The following SLC30A7 variants were observed in gnomAD, a reference collection of about 807,000 sequenced individuals.
The protein encoded by SLC30A7 is zinc transporter 7.
A neutral mutation model predicts 46.0 loss-of-function variants in SLC30A7; 35 were observed. The ratio of observed to expected loss-of-function variants is 0.76; its 90% CI spans 0.58 to 1.01. The LOEUF is 1.01. Ranked by LOEUF, SLC30A7 falls within the 50% of genes least tolerant of loss-of-function variation. The probability of loss-of-function intolerance (pLI) is 0.00; values close to 1 mark genes in which losing one functional copy is unlikely to be tolerated. For missense variants in SLC30A7, 464 were observed against 451.1 expected, an observed-to-expected ratio of 1.03 and a Z score of -0.26; for synonymous variants, 147 against 157.8, an observed-to-expected ratio of 0.93 and a Z score of 0.51.
At chr1:100,919,512 A>G (rs1056817928) in intron 7 of SLC30A7, among the ~76,000 whole-genome samples, 1 of 152,084 alleles carries the variant, frequency 6.6e-6, no homozygotes. Flanking sequence ...TCTTCCAATC[A>G]CAGGTTTTCC....
rs1022900525 is a variant in SLC30A7 at position 100,980,328 on chromosome 1, G to T, written c.*5471G>T. ...TTTTATACACACCTTTCAAAAGGAAGAAATCTGTTTCATAAATAGTAGTAA... is the reference window on the plus strand; with the variant it reads ...TTTTATACACACCTTTCAAAAGGAATAAATCTGTTTCATAAATAGTAGTAA... On this transcript the variant is annotated 3_prime_UTR_variant, in exon 11 of 11. Transcript: ENST00000357650. 1.3e-5 allele frequency: 2 copies of T among 152,214 alleles called. No individual in the cohort carries two copies. Among genetic ancestry groups the T allele is most frequent in the Non-Finnish European group, 2.9e-5 (2 of 67,946 alleles). The allele number at this position is 152,214 out of a possible 1,614,324, so 9.4% of individuals were successfully genotyped here.
At chr1:100,916,782 G>C (rs937840822) in intron 6 of SLC30A7, among the ~76,000 whole-genome samples, 1 of 140,438 alleles carries the variant, frequency 7.1e-6, no homozygotes, top group African/African-American at 2.7e-5. Flanking sequence ...CCAGCCTCTG[G>C]TAACCATCCT....
intron 9 of SLC30A7, among the ~76,000 whole-genome samples, chr1:100,965,216 T>G (rs761119979): frequency 6.6e-6 from 1 of 152,240 alleles, no homozygotes; most frequent in East Asian, 1.9e-4. Flanking sequence ...CCTCTTTCTT[T>G]GTAAACTGCT....
chr1:100,913,597 G>A, intron 5 of SLC30A7, 66 bp from the exon 6 acceptor site: 1 of 1,175,582 alleles, frequency 8.5e-7, no homozygotes, highest in Non-Finnish European at 1.3e-6. Context: ...GCTAGTGTCA[G>A]TATAATTGTA....
At chr1:100,957,128 C>T (rs1655266505) in intron 8 of SLC30A7, among the ~76,000 whole-genome samples, 1 of 152,294 alleles carries the variant, frequency 6.6e-6, no homozygotes, top group Non-Finnish European at 1.5e-5. Flanking sequence ...ACGACCTGAT[C>T]TGTTCTAGTT....
chr1:100,905,898 T>C (rs1343238819), intron 2 of SLC30A7, among the ~76,000 whole-genome samples: 1 of 152,210 alleles, frequency 6.6e-6, no homozygotes, highest in Non-Finnish European at 1.5e-5. Flanking sequence ...CTGTTGACTG[T>C]TGTAGCTCTT....
intron 8 of SLC30A7, among the ~76,000 whole-genome samples, chr1:100,960,354 T>G (rs1655470926): frequency 6.6e-6 from 1 of 152,210 alleles, no homozygotes; most frequent in African/African-American, 2.4e-5. Flanking sequence ...CTGTGCCCTG[T>G]GCCCTTCTTC....
chr1:100,989,933 G>C, the SLC30A7 span: 1 of 154,746 alleles, frequency 6.5e-6, no homozygotes, highest in African/African-American at 2.4e-5. Flanking sequence ...GCATTGTTGA[G>C]TCAACTTCTT....
intron 8 of SLC30A7, among the ~76,000 whole-genome samples, chr1:100,947,153 TA>T (rs1654685907): frequency 6.6e-6 from 1 of 152,218 alleles, no homozygotes; most frequent in South Asian, 2.1e-4. Context: ...GATATTAGGG[TA>T]TTGATTTTAG....
At chr1:100,925,620 G>A (rs1384253466) in intron 8 of SLC30A7, among the ~76,000 whole-genome samples, 1 of 152,172 alleles carries the variant, frequency 6.6e-6, no homozygotes, top group Non-Finnish European at 1.5e-5. Flanking sequence ...GAGTGAAAGA[G>A]GGGAATTAAG....
chr1:100,907,270 T>C (rs1205785116), intron 3 of SLC30A7, among the ~76,000 whole-genome samples: 1 of 152,218 alleles, frequency 6.6e-6, no homozygotes, highest in Non-Finnish European at 1.5e-5. Context: ...AATAGGATTT[T>C]TTTTTGCTTT....
Position 100,975,777 on chromosome 1 carries a change from C to T in SLC30A7, c.*920C>T, listed in dbSNP as rs1284869063. On this transcript the variant is annotated 3_prime_UTR_variant, in exon 11 of 11. Transcript: ENST00000357650. ...TCTTGACCTCGTGATCCGTCCACCT[C>T]AGCCTCCCAAAGTGCTGGGATTACA... 2.6e-5 allele frequency: 4 copies of T among 151,308 alleles called. No individual in the cohort carries two copies. Among genetic ancestry groups the T allele is most frequent in the African/African-American group, 9.8e-5 (4 of 41,020 alleles). The allele number at this position is 151,308 out of a possible 1,614,324, so 9.4% of individuals were successfully genotyped here.
chr1:100,955,142 GTTC>G (rs1570578514), intron 8 of SLC30A7, among the ~76,000 whole-genome samples: 1 of 151,942 alleles, frequency 6.6e-6, no homozygotes, highest in Non-Finnish European at 1.5e-5. Flanking sequence ...TCAGTAGACT[GTTC>G]TTCAGAAGTT....
At chr1:100,938,261 A>C (rs1252274594) in intron 8 of SLC30A7, among the ~76,000 whole-genome samples, 1 of 152,222 alleles carries the variant, frequency 6.6e-6, no homozygotes, top group African/African-American at 2.4e-5. Flanking sequence ...TTTCTAGAAA[A>C]AAATGTCACT....
At chr1:100,896,422 AG>A (rs1005391305) in intron 1 of SLC30A7, 80 bp downstream of exon 1, 61 of 1,500,328 alleles carry the variant, frequency 4.1e-5, no homozygotes, top group Admixed American at 2.0e-4. Flanking sequence ...CCCGAGGTCC[AG>A]TGAGGGAGAG....
At chr1:100,919,295 T>C (rs1179462019) in intron 7 of SLC30A7, among the ~76,000 whole-genome samples, 1 of 152,172 alleles carries the variant, frequency 6.6e-6, no homozygotes, top group Non-Finnish European at 1.5e-5. Flanking sequence ...CCATTTAGAC[T>C]TTATTGTCAG....
At chr1:100,941,225 A>T in intron 8 of SLC30A7, 1 of 374,866 alleles carries the variant, frequency 2.7e-6, no homozygotes, top group Admixed American at 3.0e-5. Context: ...TGCTTCCATT[A>T]TTACAAAATC....
Position 100,980,723 on chromosome 1 carries a change from A to G in SLC30A7, c.*5866A>G, listed in dbSNP as rs758324781. 1.3e-5 allele frequency: 2 copies of G among 151,926 alleles called. No homozygotes were observed. Among genetic ancestry groups the G allele is most frequent in the Admixed American group, 1.3e-4 (2 of 15,242 alleles). The allele number at this position is 151,926 out of a possible 1,614,324, so 9.4% of individuals were successfully genotyped here. A position where few individuals can be genotyped will look rare whatever the true frequency, so the allele number is the denominator to read the frequency against. ...ATTCTTTTTCATATACAGTGGAAGT[A>G]TACAGATGTTATCCATTTTACAAAT... On this transcript the variant is annotated 3_prime_UTR_variant, in exon 11 of 11. Transcript: ENST00000357650.
intron 9 of SLC30A7, 121 bp from the exon 10 acceptor site, chr1:100,965,648 T>C: frequency 1.3e-6 from 1 of 782,168 alleles, no homozygotes; most frequent in Non-Finnish European, 2.2e-6. Context: ...TCAAACATCC[T>C]CCTTTCCTTT....
Sources: gnomAD v4.1 joint callset for allele counts (sites outside exome capture counted in the v4.1 genomes callset) on GRCh38, gnomAD v4.1.1 for gene constraint, MANE v1.5 for transcripts, NCBI Gene and HGNC (gene_info 2026-07-23, HGNC 2026-07-21) for gene names.